The following RSRP1 variants were observed in gnomAD, a reference collection of about 807,000 sequenced individuals.
The protein encoded by RSRP1 is arginine/serine-rich protein 1.
Under a neutral mutation model 33.0 loss-of-function variants are expected in RSRP1, and 37 were observed. The ratio of observed to expected loss-of-function variants is 1.12; its 90% confidence interval spans 0.86 to 1.48. RSRP1 has a LOEUF of 1.48. Among genes scored for constraint, RSRP1 ranks in the 40% most tolerant of loss-of-function variants. The probability of loss-of-function intolerance (pLI) is 0.00; values close to 1 mark genes in which losing one functional copy is unlikely to be tolerated. For synonymous variants in RSRP1, 167 were observed against 158.7 expected (o/e 1.05, Z -0.40); for missense variants, 402 against 385.3 (o/e 1.04, Z -0.36).
At chr1:25,284,383 G>A (rs1434615499) in intron 1 of RSRP1, among the ~76,000 whole-genome samples, 16 of 135,588 alleles carry the variant, frequency 1.2e-4, no homozygotes, top group South Asian at 2.2e-4. Flanking sequence ...ATCCCCACAC[G>A]GCATGTTATG....
intron 1 of RSRP1, among the ~76,000 whole-genome samples, chr1:25,310,610 G>C (rs1644089561): frequency 7.6e-6 from 1 of 131,806 alleles, no homozygotes; most frequent in African/African-American, 2.6e-5. Context: ...AGTGGCTTTG[G>C]AACTGGGTGA....
chr1:25,311,668 G>C (rs988841463), intron 1 of RSRP1, among the ~76,000 whole-genome samples: 3 of 129,954 alleles, frequency 2.3e-5, no homozygotes, highest in African/African-American at 8.0e-5. Context: ...AGAGCTCTAA[G>C]AGGGCAGAAT....
At position 25,268,114 on chromosome 1, in the gene RSRP1, A is replaced by T. The variant is rs1263735640; in HGVS notation, c.-66-21085T>A. On this transcript the variant is annotated intron_variant, in intron 1 of 1. Transcript: ENST00000561867. ...GCTGTTATTCAGCCAACAAATATTT[A>T]TTGAGCACCTACTATGGACTTCCCT... 1.5e-5 allele frequency among the ~76,000 whole-genome samples: 2 copies of T among 134,130 alleles called. 1 individual carries two copies. The highest frequency in any genetic ancestry group is 5.1e-5 in the African/African-American group (2 of 39,250). The allele number at this position is 134,130 out of a possible 152,430, so 88.0% of individuals were successfully genotyped here. A position where few individuals can be genotyped will look rare whatever the true frequency, so the allele number is the denominator to read the frequency against.
At chr1:25,320,341 T>C (rs1644634751) in intron 1 of RSRP1, among the ~76,000 whole-genome samples, 2 of 132,174 alleles carry the variant, frequency 1.5e-5, no homozygotes, top group African/African-American at 5.2e-5. Flanking sequence ...TCTGATTTTT[T>C]TTAAAAAAAG....
In RSRP1 at chr1:25,282,437, G is replaced by T. The variant is rs192289934; in HGVS notation, c.-66-35408C>A. 2.5e-3 allele frequency among the ~76,000 whole-genome samples: 329 copies of T among 131,126 alleles called. 46 individuals carry two copies. The highest frequency in any genetic ancestry group is 8.0e-3 in the African/African-American group (310 of 38,522). The allele number at this position is 131,126 out of a possible 152,430, so 86.0% of individuals were successfully genotyped here. ...TTTAGTAGAGACGGGGTTTCACCAT[G>T]TTGGCCAGGCTAGTCTCGAACTGCT... On this transcript the variant is annotated intron_variant, in intron 1 of 1. Coordinates refer to the RSRP1 transcript ENST00000561867.
chr1:25,280,308 C>CT (rs76220916), intron 1 of RSRP1, among the ~76,000 whole-genome samples: 2,273 of 113,052 alleles, frequency 0.02, 467 homozygotes, highest in Non-Finnish European at 0.031. Context: ...TTCCTCATCT[C>CT]TTTTTTTTTT....
intron 1 of RSRP1, among the ~76,000 whole-genome samples, chr1:25,283,296 C>T (rs1201017010): frequency 3.0e-5 from 4 of 131,304 alleles, no homozygotes; most frequent in East Asian, 2.0e-4. Context: ...TTTGGGAAAC[C>T]GAGGTGGGCA....
chr1:25,257,597 A>ATTTT (rs71712758), intron 1 of RSRP1, among the ~76,000 whole-genome samples: 8 of 131,214 alleles, frequency 6.1e-5, no homozygotes, highest in African/African-American at 2.0e-4. Flanking sequence ...GGAGATGCAG[A>ATTTT]TTTTTTTTTT....
intron 1 of RSRP1, among the ~76,000 whole-genome samples, chr1:25,320,766 G>T (rs1220406012): frequency 7.6e-6 from 1 of 132,024 alleles, no homozygotes; most frequent in Non-Finnish European, 1.8e-5. Context: ...TGGAGGTTGG[G>T]CACAGTGGCT....
chr1:25,323,811 T>C (rs1644837539), intron 1 of RSRP1, among the ~76,000 whole-genome samples: 1 of 126,862 alleles, frequency 7.9e-6, no homozygotes, highest in Admixed American at 7.6e-5. Flanking sequence ...GCCCTTGGTC[T>C]GGCTTCTTTT....
intron 1 of RSRP1, among the ~76,000 whole-genome samples, chr1:25,316,807 G>A (rs1439650964): frequency 1.7e-5 from 1 of 59,210 alleles, no homozygotes; most frequent in Non-Finnish European, 4.6e-5. Flanking sequence ...AATCTCCGTC[G>A]CCTCCCTCCC....
chr1:25,257,597 A>AT (rs71712758), intron 1 of RSRP1, among the ~76,000 whole-genome samples: 3,244 of 131,210 alleles, frequency 0.025, 73 homozygotes, highest in Middle Eastern at 0.052. Context: ...GGAGATGCAG[A>AT]TTTTTTTTTT....
upstream of RSRP1, chr1:25,247,731 C>G (rs1451119967): frequency 6.6e-6 from 1 of 152,396 alleles, no homozygotes; most frequent in African/African-American, 2.4e-5. Context: ...CACCAGAAAA[C>G]TTCGAAGATG....
chr1:25,263,006 GA>G (rs1189784257), intron 1 of RSRP1, among the ~76,000 whole-genome samples: 1 of 152,196 alleles, frequency 6.6e-6, no homozygotes, highest in Non-Finnish European at 1.5e-5. Context: ...AAGTTAAGGA[GA>G]AAGAAGACAA....
chr1:25,291,736 T>C lies in RSRP1; in HGVS notation c.-66-44707A>G, dbSNP rs34956520. On this transcript the variant is annotated intron_variant, in intron 1 of 1. Coordinates refer to the RSRP1 transcript ENST00000561867. ...CAGTCAGTGCGTGTCAGTAACTGCA[T>C]ATGTCCTCTCATTGGGAGAGCCTGT... Among the ~76,000 whole-genome samples the C allele has an allele frequency of 1.8e-4, 24 of 132,846 alleles. 3 individuals are homozygous for C. Among genetic ancestry groups the C allele is most frequent in the East Asian group, 1.2e-3 (6 of 5,122 alleles). 87.2% of individuals were successfully genotyped at this position (132,846 alleles called of 152,430 possible). A position where few individuals can be genotyped will look rare whatever the true frequency, so the allele number is the denominator to read the frequency against.
At chr1:25,251,224 C>T (rs1226134827), upstream of RSRP1, among the ~76,000 whole-genome samples, 2 of 152,098 alleles carry the variant, frequency 1.3e-5, no homozygotes, top group African/African-American at 2.4e-5. Context: ...CAAAATGTGA[C>T]TGACACCTTG....
At chr1:25,255,158 G>T (rs992541788) in intron 1 of RSRP1, among the ~76,000 whole-genome samples, 2 of 152,170 alleles carry the variant, frequency 1.3e-5, no homozygotes, top group African/African-American at 2.4e-5. Flanking sequence ...ATGGGCAATG[G>T]AATAACTGGA....
intron 1 of RSRP1, chr1:25,329,347 C>A: frequency 2.9e-6 from 1 of 347,476 alleles, no homozygotes; most frequent in Non-Finnish European, 5.6e-6. Context: ...TGGGTTCAAG[C>A]AAATCTCCTG....
At chr1:25,319,201 G>A (rs1270492028) in intron 1 of RSRP1, among the ~76,000 whole-genome samples, 1 of 132,662 alleles carries the variant, frequency 7.5e-6, no homozygotes, top group East Asian at 2.0e-4. Context: ...GTACCAGGAG[G>A]TCTTTTCTTA....
Sources: gnomAD v4.1 joint callset for allele counts (sites outside exome capture counted in the v4.1 genomes callset) on GRCh38, gnomAD v4.1.1 for gene constraint, MANE v1.5 for transcripts, NCBI Gene and HGNC (gene_info 2026-07-23, HGNC 2026-07-21) for gene names.